The following DLG5 variants were observed in gnomAD, a reference collection of about 807,000 sequenced individuals.
DLG5 encodes disks large homolog 5.
Under a neutral mutation model 189.8 loss-of-function variants are expected in DLG5, and 48 were observed. The ratio of observed to expected loss-of-function variants is 0.25; its 90% CI spans 0.20 to 0.32. The LOEUF is 0.32. DLG5 is among the 10% of genes least tolerant of loss of function. The pLI is 1.00. For missense variants in DLG5, 2,160 were observed against 2,544.7 expected, an observed-to-expected ratio of 0.85 and a Z score of 3.25; for synonymous variants, 1,016 against 1,054.1, an observed-to-expected ratio of 0.96 and a Z score of 0.70.
chr10:77,829,333 GC>G, intron 12 of DLG5, 21 bp downstream of exon 12: 1 of 1,612,894 alleles, frequency 6.2e-7, no homozygotes, highest in Non-Finnish European at 8.5e-7. Flanking sequence ...GAGGCACTCT[GC>G]CATGTTCACA....
intron 1 of DLG5, among the ~76,000 whole-genome samples, chr10:77,873,767 T>C (rs1844997089): frequency 6.6e-6 from 1 of 152,148 alleles, no homozygotes; most frequent in South Asian, 2.1e-4. Context: ...GAGTTCTCCC[T>C]GTCCTCCAGA....
At chr10:77,923,873 C>CT (rs79068166) in intron 1 of DLG5, among the ~76,000 whole-genome samples, 5 of 151,438 alleles carry the variant, frequency 3.3e-5, no homozygotes, top group South Asian at 2.1e-4. Flanking sequence ...TTTTTTCTTT[C>CT]TTTTTTTTTG....
intron 22 of DLG5, 99 bp from the exon 23 acceptor site, chr10:77,811,333 G>A (rs1460307420): frequency 6.8e-7 from 1 of 1,462,202 alleles, no homozygotes; most frequent in African/African-American, 1.4e-5. Flanking sequence ...ATGGGGACCA[G>A]GTCACATAGC....
chr10:77,826,365 A>G (rs1842639657), intron 13 of DLG5, among the ~76,000 whole-genome samples: 1 of 152,210 alleles, frequency 6.6e-6, no homozygotes, highest in African/African-American at 2.4e-5. Flanking sequence ...ATGGTGGCTC[A>G]CACCTGTAAT....
At chr10:77,856,018 A>G (rs1330333797) in intron 3 of DLG5, among the ~76,000 whole-genome samples, 1 of 152,142 alleles carries the variant, frequency 6.6e-6, no homozygotes, top group Non-Finnish European at 1.5e-5. Context: ...TCAAAGCAAC[A>G]AAGACACCAG....
chr10:77,822,280 T>A (rs1842409174), intron 14 of DLG5, among the ~76,000 whole-genome samples, 179 bp from the exon 15 acceptor site: 1 of 152,180 alleles, frequency 6.6e-6, no homozygotes, highest in African/African-American at 2.4e-5. Flanking sequence ...CCCTAATGGA[T>A]AAGTTTTCTC....
At chr10:77,903,851 T>G (rs911434758) in intron 1 of DLG5, among the ~76,000 whole-genome samples, 2 of 152,170 alleles carry the variant, frequency 1.3e-5, no homozygotes, top group African/African-American at 4.8e-5. Context: ...GACCTAAAAC[T>G]TGGAGCCCAC....
intron 1 of DLG5, among the ~76,000 whole-genome samples, chr10:77,919,484 A>G (rs1846470611): frequency 1.4e-5 from 2 of 146,590 alleles, no homozygotes; most frequent in East Asian, 2.1e-4. Context: ...TTCTGTTTTG[A>G]CTGTTGAACT....
intron 2 of DLG5, among the ~76,000 whole-genome samples, chr10:77,863,443 T>TGAA (rs1844550751): frequency 6.6e-6 from 1 of 152,152 alleles, no homozygotes; most frequent in Non-Finnish European, 1.5e-5. Context: ...AATGAAGCCA[T>TGAA]CATCCTAAGA....
intron 1 of DLG5, among the ~76,000 whole-genome samples, chr10:77,905,607 TG>T (rs1278509292): frequency 2.0e-5 from 3 of 152,172 alleles, no homozygotes; most frequent in African/African-American, 7.2e-5. Flanking sequence ...TGTAACAGCA[TG>T]GGTAACTCTT....
intron 29 of DLG5, 86 bp downstream of exon 29, chr10:77,795,975 G>A: frequency 6.3e-7 from 1 of 1,590,060 alleles, no homozygotes; most frequent in Non-Finnish European, 8.6e-7. Flanking sequence ...AGCCGCTGGG[G>A]CAGAGGATCA....
chr10:77,792,882 AG>A, intron 31 of DLG5: 1 of 313,174 alleles, frequency 3.2e-6, no homozygotes, highest in Non-Finnish European at 6.0e-6. Flanking sequence ...GGAAACGACA[AG>A]TTTAAGGAGC....
the DLG5 span, among the ~76,000 whole-genome samples, chr10:77,939,418 A>T: frequency 6.6e-6 from 1 of 152,138 alleles, no homozygotes; most frequent in Non-Finnish European, 1.5e-5. Flanking sequence ...TAGCTTGGGA[A>T]TTCTGGTGTG....
chr10:77,853,625 C>A lies in DLG5; in HGVS notation c.681-88G>T. On this transcript the variant is annotated intron_variant, in intron 4 of 31. Coordinates refer to ENST00000372391, the MANE Select transcript of DLG5 (RefSeq NM_004747.4). ...GGGCATCACCAGCCTCAGGTCCCAA[C>A]ACTTCCCGTAGATACAGCGGACAGG... 3.0e-6 allele frequency: 4 copies of A among 1,326,206 alleles called. 1 individual carries two copies. The highest frequency in any genetic ancestry group is 3.2e-5 in the South Asian group (2 of 61,968). The allele number at this position is 1,326,206 out of a possible 1,614,324, so 82.2% of individuals were successfully genotyped here.
intron 1 of DLG5, among the ~76,000 whole-genome samples, chr10:77,873,030 T>TGTGC (rs139841331): frequency 0.39 from 41,072 of 105,044 alleles, 6,018 homozygotes; most frequent in South Asian, 0.43. Context: ...TGTGTGTGTG[T>TGTGC]GCACACACAC....
chr10:77,868,982 G>T (rs960215743), intron 2 of DLG5, 147 bp downstream of exon 2: 13 of 692,914 alleles, frequency 1.9e-5, no homozygotes, highest in African/African-American at 3.7e-5. Flanking sequence ...GATGATGGGA[G>T]AAAATGTAAA....
At position 77,830,885 on chromosome 10, in the gene DLG5, G is replaced by C. The variant is rs776402609; in HGVS notation, c.1749-12C>G. The C allele has an allele frequency of 1.2e-6, 2 of 1,613,604 alleles. No individual in the cohort carries two copies. The highest frequency in any genetic ancestry group is 1.3e-5 in the African/African-American group (1 of 75,056). On this transcript the variant is annotated splice_polypyrimidine_tract_variant and intron_variant, in intron 9 of 31. Coordinates refer to ENST00000372391, the MANE Select transcript of DLG5 (RefSeq NM_004747.4). ...ATTCCATCTGTTCCCTGTGAACAGA[G>C]AGAGCCACGGTGACAGCCCCTTGGG...
At chr10:77,830,930 G>T (rs968427953) in intron 9 of DLG5, 57 bp from the exon 10 acceptor site, 31 of 1,586,518 alleles carry the variant, frequency 2.0e-5, no homozygotes, top group Non-Finnish European at 2.6e-5. Flanking sequence ...ATCCCACCGC[G>T]TAACGGCTCT....
At chr10:77,896,285 G>A (rs1010189326) in intron 1 of DLG5, among the ~76,000 whole-genome samples, 4 of 152,138 alleles carry the variant, frequency 2.6e-5, no homozygotes, top group African/African-American at 9.7e-5. Context: ...TGTTTCTTCA[G>A]AGCCTAGATT....
Sources: gnomAD v4.1 joint callset for allele counts (sites outside exome capture counted in the v4.1 genomes callset) on GRCh38, gnomAD v4.1.1 for gene constraint, MANE v1.5 for transcripts, NCBI Gene and HGNC (gene_info 2026-07-23, HGNC 2026-07-21) for gene names.